Variants in XXYLT1 observed in about 807,000 individuals in gnomAD.
XXYLT1 encodes xyloside xylosyltransferase 1.
In XXYLT1, 20 loss-of-function variants were observed where a neutral mutation model predicts 28.9. The observed-to-expected ratio is 0.69, with a 90% CI of 0.49 to 1.00. The LOEUF (loss-of-function observed/expected upper bound fraction) is 1.00, where lower values mean the gene tolerates loss of function less well. Among genes scored for constraint, XXYLT1 ranks in the 50% least tolerant of loss-of-function variants. The pLI is 0.00. For synonymous variants in XXYLT1, 257 were observed against 253.8 expected, an observed-to-expected ratio of 1.01 and a Z score of -0.12; for missense variants, 542 against 560.1, an observed-to-expected ratio of 0.97 and a Z score of 0.33.
In XXYLT1 at chr3:195,069,615, G is replaced by C. The variant is rs2108632463; in HGVS notation, c.*100C>G. On this transcript the variant is annotated 3_prime_UTR_variant, in exon 4 of 4. Coordinates refer to ENST00000310380, the MANE Select transcript of XXYLT1 (RefSeq NM_152531.5). The stretch of plus-strand genomic sequence containing the variant: ...ACCTTAATCACAGGACTTCCCTGCG[G>C]TGTCTCTCTAGCGGGTCAGACACTG... The C allele has an allele frequency of 6.8e-7, 1 of 1,473,444 alleles. No homozygotes were observed. The highest frequency in any genetic ancestry group is 1.3e-5 in the South Asian group (1 of 74,916). 91.3% of individuals were successfully genotyped at this position (1,473,444 alleles called of 1,614,324 possible).
At chr3:195,143,855 GAT>G (rs1311963025) in intron 3 of XXYLT1, among the ~76,000 whole-genome samples, 2 of 75,534 alleles carry the variant, frequency 2.6e-5, no homozygotes, top group African/African-American at 9.7e-5. Context: ...TATATATATA[GAT>G]ATATATAGAT....
chr3:195,197,105 A>G (rs1722657979), intron 2 of XXYLT1, among the ~76,000 whole-genome samples: 1 of 152,228 alleles, frequency 6.6e-6, no homozygotes, highest in East Asian at 1.9e-4. Flanking sequence ...TTAAAACAAT[A>G]GCAGCTAGTC....
chr3:195,252,212 AC>A (rs1277577488), intron 1 of XXYLT1, among the ~76,000 whole-genome samples: 1 of 152,238 alleles, frequency 6.6e-6, no homozygotes, highest in Non-Finnish European at 1.5e-5. Flanking sequence ...AAAATTAAAA[AC>A]ATACAAATTG....
rs764830842 is a variant in XXYLT1, at chr3:195,255,401, TG to T, written c.504+15153del. ...GGCTGGGGACTCAGCTCCATCCAAG[TG>T]GGCTGAGCAGGGCCAGGCAATGGGT... On this transcript the variant is annotated intron_variant, in intron 1 of 3. Transcript: ENST00000310380. The surrounding 1 kb of genome is among the most constrained non-coding windows in gnomAD (Gnocchi z 4.5). Among the ~76,000 whole-genome samples, 1 of 151,984 alleles carries T rather than the reference TG, an allele frequency of 6.6e-6. No individual in the cohort carries two copies. Among genetic ancestry groups the T allele is most frequent in the Non-Finnish European group, 1.5e-5 (1 of 67,976 alleles).
chr3:195,250,841 T>C (rs149293149), intron 1 of XXYLT1, among the ~76,000 whole-genome samples: 13 of 152,320 alleles, frequency 8.5e-5, no homozygotes, highest in African/African-American at 3.1e-4. Context: ...TTCTGTTCAT[T>C]GATACACCCA....
chr3:195,213,784 C>T (rs1000629296), intron 2 of XXYLT1, among the ~76,000 whole-genome samples: 15 of 152,248 alleles, frequency 9.9e-5, no homozygotes, highest in Middle Eastern at 3.4e-3. Context: ...GGTATCAGGC[C>T]CTGGAACTTT....
chr3:195,128,939 C>T (rs1056167049), intron 3 of XXYLT1, among the ~76,000 whole-genome samples: 5 of 152,160 alleles, frequency 3.3e-5, no homozygotes, highest in Admixed American at 6.5e-5. Flanking sequence ...TTAGTAGAAC[C>T]GTCTTGTCCC....
chr3:195,103,394 C>T (rs1285102283), intron 3 of XXYLT1, among the ~76,000 whole-genome samples: 4 of 150,646 alleles, frequency 2.7e-5, no homozygotes, highest in Admixed American at 1.3e-4. Context: ...CCCACGCCAG[C>T]GGCCTGCGTC....
Position 195,129,317 on chromosome 3 carries a change from C to A in XXYLT1, c.785+27132G>T, listed in dbSNP as rs914344287. On this transcript the variant is annotated intron_variant, in intron 3 of 3. Coordinates refer to ENST00000310380, the MANE Select transcript of XXYLT1 (RefSeq NM_152531.5). The surrounding 1 kb of genome is among the most constrained non-coding windows in gnomAD (Gnocchi z 4.4). ...GTACAATTCAGTGGATTTTAGTATGCTCACAGAGTTGTGTAACTATGACAC... is the reference window on the plus strand; with the variant it reads ...GTACAATTCAGTGGATTTTAGTATGATCACAGAGTTGTGTAACTATGACAC... Among the ~76,000 whole-genome samples, 1 of 152,218 alleles carries A rather than the reference C, an allele frequency of 6.6e-6. No homozygotes were observed. Among genetic ancestry groups the A allele is most frequent in the Non-Finnish European group, 1.5e-5 (1 of 68,040 alleles).
At chr3:195,149,496 C>T (rs1352721907) in intron 3 of XXYLT1, among the ~76,000 whole-genome samples, 2 of 152,272 alleles carry the variant, frequency 1.3e-5, no homozygotes, top group Middle Eastern at 3.4e-3. Context: ...CTCTGTGCAG[C>T]GTAGCAGGGA....
At chr3:195,070,692 C>T (rs1296844794) in intron 3 of XXYLT1, among the ~76,000 whole-genome samples, 1 of 152,160 alleles carries the variant, frequency 6.6e-6, no homozygotes, top group East Asian at 1.9e-4. Flanking sequence ...GCAGCTGAAC[C>T]CTGACTGGAA....
At chr3:195,134,858 T>C (rs1719095078) in intron 3 of XXYLT1, among the ~76,000 whole-genome samples, 1 of 128,158 alleles carries the variant, frequency 7.8e-6, no homozygotes, top group African/African-American at 3.0e-5. Flanking sequence ...TGTGTGTGTG[T>C]GTGTGTGTGT....
intron 2 of XXYLT1, among the ~76,000 whole-genome samples, chr3:195,179,063 C>T (rs140680425): frequency 0.016 from 2,510 of 152,192 alleles, 34 homozygotes; most frequent in Non-Finnish European, 0.025. Context: ...ATGATGGGGC[C>T]GGGCGCGGTG....
intron 2 of XXYLT1, among the ~76,000 whole-genome samples, chr3:195,169,431 A>C (rs1417868371): frequency 1.3e-5 from 2 of 152,208 alleles, no homozygotes; most frequent in African/African-American, 2.4e-5. Flanking sequence ...AGAGGGACCA[A>C]CACAAAGGTG....
chr3:195,085,977 C>T lies in XXYLT1; in HGVS notation c.786-15866G>A, dbSNP rs575209128. ...TCGGTGGTGCCCGAGCTGCAGAAGA[C>T]CCAAACTTGACTTTTCAAGCTTCTC... On this transcript the variant is annotated intron_variant, in intron 3 of 3. Coordinates refer to ENST00000310380, the MANE Select transcript of XXYLT1 (RefSeq NM_152531.5). The T allele has an allele frequency of 3.2e-3, 484 of 152,288 alleles. 1 individual carries two copies. The highest frequency in any genetic ancestry group is 5.1e-3 in the Non-Finnish European group (347 of 68,094). The allele number at this position is 152,288 out of a possible 1,614,324, so 9.4% of individuals were successfully genotyped here.
chr3:195,184,614 C>T (rs1412569682), intron 2 of XXYLT1: 4 of 985,200 alleles, frequency 4.1e-6, no homozygotes, highest in Admixed American at 1.2e-4. Flanking sequence ...ATTTAAGTCT[C>T]CCTGATTAGG....
chr3:195,126,310 C>A (rs79298197), intron 3 of XXYLT1, among the ~76,000 whole-genome samples: 5,565 of 152,304 alleles, frequency 0.037, 179 homozygotes, highest in East Asian at 0.15. Flanking sequence ...CCGCACCTGA[C>A]CCTCTTTGGC....
In XXYLT1 at chr3:195,077,461, G is replaced by A. The variant is rs1715186271; in HGVS notation, c.786-7350C>T. ...GCTCAGCCTCTGCAGAGCTGATGCT[G>A]CAAATGCTCCTCCCTGCCCAGGCTT... is the stretch of plus-strand genomic sequence containing the variant. On this transcript the variant is annotated intron_variant, in intron 3 of 3. Coordinates refer to ENST00000310380, the MANE Select transcript of XXYLT1 (RefSeq NM_152531.5). This position sits in a 1 kb window ranked among gnomAD's most constrained non-coding sequence, Gnocchi z 4.8. Among the ~76,000 whole-genome samples, 2 of 152,178 alleles carry A rather than the reference G, an allele frequency of 1.3e-5. No homozygotes were observed. Among genetic ancestry groups the A allele is most frequent in the Admixed American group, 1.3e-4 (2 of 15,292 alleles).
intron 3 of XXYLT1, among the ~76,000 whole-genome samples, chr3:195,089,094 A>G (rs965715549): frequency 6.6e-6 from 1 of 150,768 alleles, no homozygotes; most frequent in Non-Finnish European, 1.5e-5. Flanking sequence ...CAAGTTGGAA[A>G]ACACTCTGCA....
Sources: gnomAD v4.1 joint callset for allele counts (sites outside exome capture counted in the v4.1 genomes callset) on GRCh38, gnomAD v4.1.1 for gene constraint, Gnocchi (gnomAD v3.1) non-coding constraint, MANE v1.5 for transcripts, NCBI Gene and HGNC (gene_info 2026-07-23, HGNC 2026-07-21) for gene names.